ZNF721: variants seen among roughly 807,000 people sequenced by gnomAD.
ZNF721 encodes the protein zinc finger protein 721.
Under a neutral mutation model 2.4 loss-of-function variants are expected in ZNF721, and 2 were observed. That is an observed-to-expected ratio of 0.82 (90% CI 0.34 to 2.58). The LOEUF is 2.58. Among genes scored for constraint, ZNF721 ranks in the 30% most tolerant of loss-of-function variants. The probability of loss-of-function intolerance (pLI) is 0.11; values close to 1 mark genes in which losing one functional copy is unlikely to be tolerated. For synonymous variants in ZNF721, 398 were observed against 381.8 expected (o/e 1.04, Z -0.50); for missense variants, 1,187 against 1,085.5 (o/e 1.09, Z -1.31).
At chr4:474,643 G>A (rs1475074004) in intron 1 of ZNF721, among the ~76,000 whole-genome samples, 1 of 152,182 alleles carries the variant, frequency 6.6e-6, no homozygotes, top group African/African-American at 2.4e-5. Context: ...TTGGGAGGCC[G>A]AGGTGGGGGG....
At chr4:468,296 T>C (rs1485926889) in intron 2 of ZNF721, among the ~76,000 whole-genome samples, 4 of 149,024 alleles carry the variant, frequency 2.7e-5, no homozygotes, top group African/African-American at 7.4e-5. Context: ...CTGGGTGTGA[T>C]GGAAGCGCCT....
At chr4:456,442 T>C (rs782308548) in intron 2 of ZNF721, among the ~76,000 whole-genome samples, 1 of 152,248 alleles carries the variant, frequency 6.6e-6, no homozygotes, top group Non-Finnish European at 1.5e-5. Context: ...ATAACTTTTA[T>C]AGGCAATAGA....
In ZNF721 at chr4:441,518, T is replaced by G; in HGVS notation, c.*177A>C. 1 of 596,748 alleles carries G rather than the reference T, an allele frequency of 1.7e-6. No homozygotes were observed. 37.0% of individuals were successfully genotyped at this position (596,748 alleles called of 1,614,324 possible). ...ACAGATTGAGGTGTGATTAAAAGCC[T>G]TCTCACATTTTTCACATTTTAGAGT... On this transcript the variant is annotated 3_prime_UTR_variant, in exon 3 of 3. Coordinates refer to ENST00000511833, the MANE Select transcript of ZNF721 (RefSeq NM_133474.4).
At position 496,713 on chromosome 4, in the gene ZNF721, T is replaced by C. The variant is rs1463928084; in HGVS notation, c.-94+2343A>G. Among the ~76,000 whole-genome samples, 33 of 132,018 alleles carry C rather than the reference T, an allele frequency of 2.5e-4. No individual in the cohort carries two copies. In the East Asian group the frequency reaches 5.5e-3, roughly 22 times the overall value. The allele number at this position is 132,018 out of a possible 152,430, so 86.6% of individuals were successfully genotyped here. ...CACACAAAATACATGACTTCTTTTT[T>C]TTTTTTTTTTTTTTTTTTTGAGACG... On this transcript the variant is annotated intron_variant, in intron 1 of 2. Coordinates refer to ENST00000511833, the MANE Select transcript of ZNF721 (RefSeq NM_133474.4).
In ZNF721 at chr4:450,956, AAT is replaced by A. The variant is rs71166812; in HGVS notation, c.35-6526_35-6525del. ...TGTCTCCAAAAAAAAAAAAAAAAAA[AAT>A]ATATATATATATATATATATATATA... On this transcript the variant is annotated intron_variant, in intron 2 of 2. Coordinates refer to ENST00000511833, the MANE Select transcript of ZNF721 (RefSeq NM_133474.4). 6.3e-3 allele frequency among the ~76,000 whole-genome samples: 401 copies of A among 63,708 alleles called. 4 individuals are homozygous for A. Among genetic ancestry groups the A allele is most frequent in the African/African-American group, 0.015 (192 of 12,902 alleles). 41.8% of individuals were successfully genotyped at this position (63,708 alleles called of 152,430 possible). A position where few individuals can be genotyped will look rare whatever the true frequency, so the allele number is the denominator to read the frequency against.
chr4:481,076 C>T (rs1012312945), intron 1 of ZNF721, among the ~76,000 whole-genome samples: 47 of 152,140 alleles, frequency 3.1e-4, no homozygotes, highest in African/African-American at 1.1e-3. Flanking sequence ...CACAGGCCAC[C>T]ACACCTGGCT....
At chr4:488,876 T>A (rs1346809111) in intron 1 of ZNF721, among the ~76,000 whole-genome samples, 1 of 151,342 alleles carries the variant, frequency 6.6e-6, no homozygotes, top group Non-Finnish European at 1.5e-5. Context: ...GAGGAACCCC[T>A]GAGAGAGGAG....
At chr4:481,691 G>A (rs1553869522) in intron 1 of ZNF721, among the ~76,000 whole-genome samples, 1 of 151,900 alleles carries the variant, frequency 6.6e-6, no homozygotes, top group African/African-American at 2.4e-5. Flanking sequence ...TATTTGACAG[G>A]AGTTAACATC....
rs1553867929 is a variant in ZNF721 at position 472,664 on chromosome 4, G to T, written c.-56C>A. 6.2e-7 allele frequency: 1 copy of T among 1,613,806 alleles called. No homozygotes were observed. The highest frequency in any genetic ancestry group is 1.1e-5 in the South Asian group (1 of 91,020). ...GTCCAGGCATTTCCACTCTTCTGGA[G>T]AGAATTCTATGGCCACATCCCTGAA... is the stretch of plus-strand genomic sequence containing the variant. On this transcript the variant is annotated 5_prime_UTR_variant, in exon 2 of 3. Transcript: ENST00000511833.
At chr4:458,726 G>C (rs1576959708) in intron 2 of ZNF721, among the ~76,000 whole-genome samples, 1 of 152,102 alleles carries the variant, frequency 6.6e-6, no homozygotes, top group Admixed American at 6.5e-5. Flanking sequence ...TGTACCTGTA[G>C]TCCCAGCCAC....
chr4:450,537 A>G (rs1714613672), intron 2 of ZNF721, among the ~76,000 whole-genome samples: 1 of 152,192 alleles, frequency 6.6e-6, no homozygotes, highest in Non-Finnish European at 1.5e-5. Flanking sequence ...TCAAAGGCTC[A>G]GGAAAAAAAA....
chr4:485,621 T>G (rs1218968221), intron 1 of ZNF721, among the ~76,000 whole-genome samples: 1 of 152,192 alleles, frequency 6.6e-6, no homozygotes, highest in African/African-American at 2.4e-5. Context: ...CAGCAGACAT[T>G]TGGGAGCATG....
intron 1 of ZNF721, among the ~76,000 whole-genome samples, chr4:486,708 GTT>G (rs1553870451): frequency 1.3e-5 from 2 of 152,158 alleles, no homozygotes; most frequent in African/African-American, 4.8e-5. Context: ...AATACAAAGA[GTT>G]TGCAGATATG....
At chr4:463,929 C>T (rs1237247614) in intron 2 of ZNF721, among the ~76,000 whole-genome samples, 1 of 151,788 alleles carries the variant, frequency 6.6e-6, no homozygotes, top group African/African-American at 2.4e-5. Context: ...ATTGCTAATA[C>T]AGATGAAAAA....
chr4:492,761 A>T (rs547644026), intron 1 of ZNF721, among the ~76,000 whole-genome samples: 3 of 149,402 alleles, frequency 2.0e-5, no homozygotes, highest in Non-Finnish European at 4.4e-5. Context: ...TCTTTCTCAT[A>T]TAAAATTATT....
chr4:473,328 G>C (rs1715497696), intron 1 of ZNF721, among the ~76,000 whole-genome samples: 1 of 152,112 alleles, frequency 6.6e-6, no homozygotes, highest in South Asian at 2.1e-4. Context: ...TACTCGGCTA[G>C]AGAAAGCAGA....
At chr4:477,186 CCTT>C (rs1297102376) in intron 1 of ZNF721, among the ~76,000 whole-genome samples, 1 of 151,376 alleles carries the variant, frequency 6.6e-6, no homozygotes, top group East Asian at 1.9e-4. Context: ...GCAAGTCAAA[CCTT>C]CTGGGAAAAC....
intron 1 of ZNF721, among the ~76,000 whole-genome samples, chr4:496,340 G>GTCCCC (rs1477581880): frequency 1.3e-5 from 2 of 151,958 alleles, no homozygotes; most frequent in Non-Finnish European, 2.9e-5. Context: ...ACCTGGCACA[G>GTCCCC]TGTCAGAGGC....
chr4:475,553 T>A (rs1553868474), intron 1 of ZNF721, among the ~76,000 whole-genome samples: 1 of 152,208 alleles, frequency 6.6e-6, no homozygotes, highest in East Asian at 1.9e-4. Context: ...CTCATACTTC[T>A]GGCTAAAATC....
Sources: allele counts gnomAD v4.1 joint callset (sites outside exome capture counted in the v4.1 genomes callset), GRCh38; gene constraint gnomAD v4.1.1; transcripts MANE v1.5; gene names NCBI Gene and HGNC (gene_info 2026-07-23, HGNC 2026-07-21).